Variants in SLC8A2 observed in about 807,000 individuals in gnomAD.
The protein encoded by SLC8A2 is sodium/calcium exchanger 2.
SLC8A2 carries 14 observed loss-of-function variants against 70.2 expected under a neutral mutation model. That is an observed-to-expected ratio of 0.20 (90% CI 0.13 to 0.31). The LOEUF (loss-of-function observed/expected upper bound fraction) is 0.31. SLC8A2 is among the 10% of genes least tolerant of loss of function. The pLI, the probability that SLC8A2 is intolerant of heterozygous loss-of-function variation, is 1.00. For synonymous variants in SLC8A2, 575 were observed against 594.3 expected, an observed-to-expected ratio of 0.97 and a Z score of 0.47; for missense variants, 779 against 1,320.1, an observed-to-expected ratio of 0.59 and a Z score of 6.35.
intron 3 of SLC8A2, 83 bp downstream of exon 3, chr19:47,456,847 G>T: frequency 7.5e-7 from 1 of 1,329,920 alleles, no homozygotes; most frequent in Non-Finnish European, 1.0e-6. Context: ...TCAGTTGGGA[G>T]GCGAAGAGCC....
chr19:47,430,545 C>A lies in SLC8A2; in HGVS notation c.2390-80G>T. Reference sequence around the variant, plus strand: ...CGGGCATCCGCCTGCCCCCTCCCAGCCTTTCCCGGTCGCCTGCTTTCTGCG... The same window carrying A: ...CGGGCATCCGCCTGCCCCCTCCCAGACTTTCCCGGTCGCCTGCTTTCTGCG... On this transcript the variant is annotated intron_variant, in intron 9 of 9. Coordinates refer to ENST00000236877, the MANE Select transcript of SLC8A2 (RefSeq NM_015063.3). The surrounding 1 kb of genome is among the most constrained non-coding windows in gnomAD (Gnocchi z 5.9). The A allele has an allele frequency of 3.5e-6, 5 of 1,417,820 alleles. No homozygotes were observed. The highest frequency in any genetic ancestry group is 4.6e-6 in the Non-Finnish European group (5 of 1,077,216). 87.8% of individuals were successfully genotyped at this position (1,417,820 alleles called of 1,614,324 possible).
chr19:47,452,371 T>C (rs988439375), intron 3 of SLC8A2, among the ~76,000 whole-genome samples: 1 of 140,312 alleles, frequency 7.1e-6, no homozygotes, highest in East Asian at 2.1e-4. Flanking sequence ...CATGTTACCA[T>C]GCCCAGCTTA....
In SLC8A2 at chr19:47,466,559, G is replaced by C; in HGVS notation, c.-16-140C>G. 1 of 545,234 alleles carries C rather than the reference G, an allele frequency of 1.8e-6. No homozygotes were observed. Among genetic ancestry groups the C allele is most frequent in the South Asian group, 2.7e-5 (1 of 37,118 alleles). The allele number at this position is 545,234 out of a possible 1,614,324, so 33.8% of individuals were successfully genotyped here. ...CAGGATGGGGACTGAGGGCGACAGA[G>C]ACACAGAGAGTGACAGACAGAGACC... On this transcript the variant is annotated intron_variant, in intron 1 of 9. Coordinates refer to ENST00000236877, the MANE Select transcript of SLC8A2 (RefSeq NM_015063.3). The surrounding 1 kb of genome is among the most constrained non-coding windows in gnomAD (Gnocchi z 6.9).
chr19:47,447,559 A>C lies in SLC8A2; in HGVS notation c.1763+250T>G, dbSNP rs925493610. 5 of 464,444 alleles carry C rather than the reference A, an allele frequency of 1.1e-5. No homozygotes were observed. The highest frequency in any genetic ancestry group is 1.9e-5 in the Non-Finnish European group (5 of 263,932). The allele number at this position is 464,444 out of a possible 1,614,324, so 28.8% of individuals were successfully genotyped here. A position where few individuals can be genotyped will look rare whatever the true frequency, so the allele number is the denominator to read the frequency against. Reference sequence around the variant, plus strand: ...TCCCGAGGCCAAGCCCACTTTGGAGAACGATTCACTCAGGCCCCTCTCCTC... The same window carrying C: ...TCCCGAGGCCAAGCCCACTTTGGAGCACGATTCACTCAGGCCCCTCTCCTC... On this transcript the variant is annotated intron_variant, in intron 4 of 9. Transcript: ENST00000236877. This position sits in a 1 kb window ranked among gnomAD's most constrained non-coding sequence, Gnocchi z 5.1.
chr19:47,448,033 G>C lies in SLC8A2; in HGVS notation c.1539C>G (p.Thr513=). 2 of 1,568,020 alleles carry C rather than the reference G, an allele frequency of 1.3e-6. No individual in the cohort carries two copies. Among genetic ancestry groups the C allele is most frequent in the Non-Finnish European group, 1.7e-6 (2 of 1,156,162 alleles). ...KGRLVAPLLA[T]VTILDDDHAG... ...CGTGGTCGTCGTCCAGGATGGTGAC[G>C]GTGGCCAGCAGCGGCGCCACCAGCC... The change falls in exon 4 of 10, where the codon ACC becomes ACG. Residue 513 remains threonine (T), a synonymous_variant. Coordinates refer to ENST00000236877, the MANE Select transcript of SLC8A2 (RefSeq NM_015063.3). This position sits in a 1 kb window ranked among gnomAD's most constrained non-coding sequence, Gnocchi z 4.8.
chr19:47,458,237 ATG>A (rs1967340838), intron 2 of SLC8A2, among the ~76,000 whole-genome samples: 2 of 23,910 alleles, frequency 8.4e-5, no homozygotes, highest in East Asian at 1.8e-3. Flanking sequence ...GCCTCCCCCC[ATG>A]TCTCTCTCCC....
At chr19:47,462,933 C>T (rs1245156058) in intron 2 of SLC8A2, among the ~76,000 whole-genome samples, 1 of 152,050 alleles carries the variant, frequency 6.6e-6, no homozygotes, top group Non-Finnish European at 1.5e-5. Flanking sequence ...GTTTAACATA[C>T]TGCAAATACA....
In SLC8A2 at chr19:47,437,463, T is replaced by C; in HGVS notation, c.2109A>G (p.Ala703=). The C allele has an allele frequency of 1.3e-6, 2 of 1,595,350 alleles. No individual in the cohort carries two copies. Among genetic ancestry groups the C allele is most frequent in the East Asian group, 2.2e-5 (1 of 44,804 alleles). The change falls in exon 8 of 10, where the codon GCA becomes GCG. Residue 703 remains alanine, a splice_region_variant and synonymous_variant. Coordinates refer to ENST00000236877, the MANE Select transcript of SLC8A2 (RefSeq NM_015063.3). Reference sequence around the variant, plus strand: ...TCTCTCTCCTCCCTCCCCACTTACCTGCGCTCACCGTAATTGCCTCTAAAA... The same window carrying C: ...TCTCTCTCCTCCCTCCCCACTTACCCGCGCTCACCGTAATTGCCTCTAAAA... ...EQFLEAITVS[A]GDEEEEEDGS...
chr19:47,437,598 T>C lies in SLC8A2; in HGVS notation c.2011-37A>G. On this transcript the variant is annotated intron_variant, in intron 7 of 9. Transcript: ENST00000236877. ...AGGGTGGGGGAGAGGTCACTGCCCC[T>C]GAGCGAACCAGGGAAGCTCCATGTT... 6.0e-6 allele frequency: 9 copies of C among 1,500,354 alleles called. No individual in the cohort carries two copies. In the South Asian group the frequency reaches 1.0e-4, roughly 17 times the overall value. The allele number at this position is 1,500,354 out of a possible 1,614,324, so 92.9% of individuals were successfully genotyped here. A position where few individuals can be genotyped will look rare whatever the true frequency, so the allele number is the denominator to read the frequency against.
intron 3 of SLC8A2, among the ~76,000 whole-genome samples, chr19:47,452,433 AGAGAGAGAGAGAGTGT>A (rs1394471599): frequency 6.3e-3 from 622 of 98,618 alleles, no homozygotes; most frequent in Non-Finnish European, 9.7e-3. Flanking sequence ...AGAGAGAGAG[AGAGAGAGAGAGAGTGT>A]GTGTGTGTGT....
chr19:47,431,632 A>G (rs966555006), intron 9 of SLC8A2, among the ~76,000 whole-genome samples: 1 of 130,396 alleles, frequency 7.7e-6, no homozygotes, highest in Non-Finnish European at 1.6e-5. Context: ...AGCCTGGGTG[A>G]CAGAGCGAGA....
At chr19:47,444,229 CTGTCTT>C (rs1242070548) in intron 4 of SLC8A2, among the ~76,000 whole-genome samples, 1 of 152,024 alleles carries the variant, frequency 6.6e-6, no homozygotes, top group Non-Finnish European at 1.5e-5. Context: ...CTCCCTGTCT[CTGTCTT>C]TCAGAGTCTA....
At chr19:47,444,134 A>G (rs1365318807) in intron 4 of SLC8A2, among the ~76,000 whole-genome samples, 1 of 151,934 alleles carries the variant, frequency 6.6e-6, no homozygotes, top group East Asian at 1.9e-4. Flanking sequence ...GCCTCAAGTG[A>G]TCCTCCCACC....
intron 8 of SLC8A2, among the ~76,000 whole-genome samples, chr19:47,433,552 T>G (rs2122612458): frequency 6.6e-6 from 1 of 152,322 alleles, no homozygotes; most frequent in South Asian, 2.1e-4. Context: ...ATGTGGGCAT[T>G]GGGTTACAGA....
Position 47,457,271 on chromosome 19 carries a change from C to G in SLC8A2, c.999G>C (p.Gln333His). 1 of 1,547,122 alleles carries G rather than the reference C, an allele frequency of 6.5e-7. No individual in the cohort carries two copies. The highest frequency in any genetic ancestry group is 8.7e-7 in the Non-Finnish European group (1 of 1,145,652). The change falls in exon 3 of 10, where the codon CAG becomes CAC. Residue 333 changes from glutamine to histidine, a missense_variant. Coordinates refer to ENST00000236877, the MANE Select transcript of SLC8A2 (RefSeq NM_015063.3). ...KQKHPDKDLE[Q>H]LVGIANYYAL... The stretch of plus-strand genomic sequence containing the variant: ...CGTAGTAGTTGGCGATGCCCACCAG[C>G]TGCTCCAGATCCTTGTCCGGGTGCT...
At chr19:47,436,261 GGC>G (rs1376722349) in intron 8 of SLC8A2, among the ~76,000 whole-genome samples, 2 of 152,126 alleles carry the variant, frequency 1.3e-5, no homozygotes, top group African/African-American at 4.8e-5. Context: ...ACCGCATCAG[GGC>G]TTTCCTCCGG....
Position 47,466,351 on chromosome 19 carries a change from C to A in SLC8A2, c.53G>T (p.Cys18Phe). Residue 18 changes from cysteine (C) to phenylalanine (F), a missense_variant, in exon 2 of 10, where the codon TGC becomes TTC. By Grantham distance (205) the Cys-to-Phe change is radical. Around this residue, in one of 6 missense-constraint regions of SLC8A2, gnomAD observed 65 missense variants for 61.3 expected, o/e 1.06. Coordinates refer to ENST00000236877, the MANE Select transcript of SLC8A2 (RefSeq NM_015063.3). This position sits in a 1 kb window ranked among gnomAD's most constrained non-coding sequence, Gnocchi z 6.9. The part of the protein sequence containing the change: ...GVTLLLAAPP[C>F]SGAATPTPSL... ...GGGGGTTGGGGTGGCTGCCCCGGAG[C>A]ATGGGGGAGCCGCCAGGAGGAGTGT... 1 of 1,448,506 alleles carries A rather than the reference C, an allele frequency of 6.9e-7. No individual in the cohort carries two copies. The highest frequency in any genetic ancestry group is 9.1e-7 in the Non-Finnish European group (1 of 1,100,628). 89.7% of individuals were successfully genotyped at this position (1,448,506 alleles called of 1,614,324 possible).
chr19:47,469,717 C>A (rs1967509499), intron 1 of SLC8A2, among the ~76,000 whole-genome samples: 1 of 152,228 alleles, frequency 6.6e-6, no homozygotes, highest in African/African-American at 2.4e-5. Context: ...GCTCCTGCCT[C>A]TCCCTCTCCA....
rs1309407459 is a variant in SLC8A2, at chr19:47,441,131, C to T, written c.1885+38G>A. ...CCTCCCCCAGGCCCTCTTCCAGTGG[C>T]TCCTCCCCACTCAGAGCCCAGAGGT... On this transcript the variant is annotated intron_variant, in intron 6 of 9. Coordinates refer to ENST00000236877, the MANE Select transcript of SLC8A2 (RefSeq NM_015063.3). 3 of 1,606,200 alleles carry T rather than the reference C, an allele frequency of 1.9e-6. No individual in the cohort carries two copies. In the Admixed American group the frequency reaches 5.0e-5, roughly 27 times the overall value.
Sources: gnomAD v4.1 joint callset for allele counts (sites outside exome capture counted in the v4.1 genomes callset) on GRCh38, gnomAD v4.1.1 for gene constraint, gnomAD v4.1.1 regional missense constraint, Gnocchi (gnomAD v3.1) non-coding constraint, MANE v1.5 for transcripts, NCBI Gene and HGNC (gene_info 2026-07-23, HGNC 2026-07-21) for gene names.